The following CACNB2 variants were observed in gnomAD, a reference collection of about 807,000 sequenced individuals.
The protein encoded by CACNB2 is calcium voltage-gated channel auxiliary subunit beta 2.
In CACNB2, 42 loss-of-function variants were observed where a neutral mutation model predicts 73.3. That is an observed-to-expected ratio of 0.57 (90% CI 0.45 to 0.74). The LOEUF (loss-of-function observed/expected upper bound fraction) is 0.74. CACNB2 is among the 30% of genes least tolerant of loss of function. The pLI, the probability that CACNB2 is intolerant of heterozygous loss-of-function variation, is 0.00. For synonymous variants in CACNB2, 348 were observed against 310.3 expected (o/e 1.12, Z -1.28); for missense variants, 940 against 853.0 (o/e 1.10, Z -1.27).
At chr10:18,279,087 A>G (rs937789026) in intron 2 of CACNB2, among the ~76,000 whole-genome samples, 1 of 152,192 alleles carries the variant, frequency 6.6e-6, no homozygotes, top group African/African-American at 2.4e-5. Flanking sequence ...TTCTTCCTCT[A>G]TACATTCCTT....
At chr10:18,475,700 T>G (rs2048406545) in intron 3 of CACNB2, among the ~76,000 whole-genome samples, 1 of 152,206 alleles carries the variant, frequency 6.6e-6, no homozygotes, top group Non-Finnish European at 1.5e-5. Flanking sequence ...AAAGATCCTC[T>G]GAAACTTCGT....
intron 2 of CACNB2, among the ~76,000 whole-genome samples, chr10:18,397,687 C>G (rs2043783312): frequency 7.1e-6 from 1 of 141,644 alleles, no homozygotes; most frequent in Admixed American, 7.4e-5. Flanking sequence ...TGCACTCCAG[C>G]CTGGGCAGCA....
At chr10:18,413,128 A>G (rs1398236059) in intron 3 of CACNB2, among the ~76,000 whole-genome samples, 1 of 152,004 alleles carries the variant, frequency 6.6e-6, no homozygotes, top group Non-Finnish European at 1.5e-5. Flanking sequence ...ATGCCATCAC[A>G]CCCAGGTAAT....
intron 3 of CACNB2, among the ~76,000 whole-genome samples, chr10:18,465,683 T>C (rs2047839833): frequency 2.7e-5 from 3 of 109,844 alleles, no homozygotes; most frequent in African/African-American, 9.5e-5. Context: ...CAACTTCTTC[T>C]TTTTTTTTTT....
At chr10:18,308,162 T>C (rs951174138) in intron 2 of CACNB2, among the ~76,000 whole-genome samples, 12 of 151,752 alleles carry the variant, frequency 7.9e-5, no homozygotes, top group African/African-American at 2.9e-4. Flanking sequence ...CCAGGCTAAT[T>C]TTTGTATTTT....
intron 2 of CACNB2, among the ~76,000 whole-genome samples, chr10:18,315,311 G>A (rs952128206): frequency 1.7e-4 from 26 of 150,458 alleles, no homozygotes; most frequent in African/African-American, 5.9e-4. Context: ...TCCAGCCTGG[G>A]CAACAGAGCG....
intron 2 of CACNB2, among the ~76,000 whole-genome samples, chr10:18,244,624 G>A (rs1588828249): frequency 6.6e-6 from 1 of 152,210 alleles, no homozygotes; most frequent in Admixed American, 6.5e-5. Context: ...TATGTAGGAA[G>A]ACTTGAGAGT....
intron 3 of CACNB2, among the ~76,000 whole-genome samples, chr10:18,460,088 C>T (rs772934811): frequency 1.3e-5 from 2 of 152,156 alleles, no homozygotes; most frequent in Admixed American, 6.5e-5. Flanking sequence ...ATGTATATGT[C>T]CATACATATA....
intron 2 of CACNB2, among the ~76,000 whole-genome samples, chr10:18,356,071 C>T (rs1192246441): frequency 6.6e-6 from 1 of 152,184 alleles, no homozygotes; most frequent in Non-Finnish European, 1.5e-5. Flanking sequence ...GGCTGCAGGC[C>T]CCTGGAGGTC....
chr10:18,366,985 C>G (rs2042380886), intron 2 of CACNB2, among the ~76,000 whole-genome samples: 1 of 152,162 alleles, frequency 6.6e-6, no homozygotes, highest in Non-Finnish European at 1.5e-5. Flanking sequence ...TCATAATGCA[C>G]TTGAACTTCC....
chr10:18,397,387 C>T (rs2043766655), intron 2 of CACNB2, among the ~76,000 whole-genome samples: 1 of 151,332 alleles, frequency 6.6e-6, no homozygotes, highest in South Asian at 2.1e-4. Context: ...ATCACGTGAA[C>T]CTAGGAGACA....
chr10:18,224,008 T>C (rs1469828040), intron 2 of CACNB2, among the ~76,000 whole-genome samples: 16 of 151,340 alleles, frequency 1.1e-4, no homozygotes, highest in Middle Eastern at 3.4e-3. Context: ...TTTTTTGTCC[T>C]GGGAAAAGTG....
chr10:18,421,034 G>A (rs2045290852), intron 3 of CACNB2, among the ~76,000 whole-genome samples: 1 of 151,992 alleles, frequency 6.6e-6, no homozygotes, highest in Non-Finnish European at 1.5e-5. Flanking sequence ...AGAAGGAAAT[G>A]TATTTTTTAG....
At chr10:18,418,220 G>T (rs10764476) in intron 3 of CACNB2, among the ~76,000 whole-genome samples, 2 of 152,044 alleles carry the variant, frequency 1.3e-5, no homozygotes, top group Non-Finnish European at 2.9e-5. Flanking sequence ...GACTACAGGC[G>T]CACGCCACTA....
In CACNB2 at chr10:18,261,431, C is replaced by T. The variant is rs2037537663; in HGVS notation, c.213+110456C>T. On this transcript the variant is annotated intron_variant, in intron 2 of 13. Transcript: ENST00000324631. ...TATTCCCTGTGCTGAACCAACCAGA[C>T]AGTCGATCATTTCGTACCATGAGTT... 6.5e-6 allele frequency: 9 copies of T among 1,394,670 alleles called. No homozygotes were observed. The Admixed American group carries it at 1.4e-4, about 21-fold the overall frequency. 86.4% of individuals were successfully genotyped at this position (1,394,670 alleles called of 1,614,324 possible).
intron 3 of CACNB2, among the ~76,000 whole-genome samples, chr10:18,496,921 A>G (rs1297929611): frequency 2.0e-5 from 3 of 151,828 alleles, no homozygotes; most frequent in African/African-American, 2.4e-5. Context: ...TAAGAAATAC[A>G]TAGAAGAGGC....
intron 2 of CACNB2, among the ~76,000 whole-genome samples, chr10:18,358,898 G>C (rs2042038729): frequency 6.6e-6 from 1 of 152,120 alleles, no homozygotes; most frequent in African/African-American, 2.4e-5. Flanking sequence ...TTTTGTTGTT[G>C]CTGCTGTTCT....
intron 2 of CACNB2, among the ~76,000 whole-genome samples, chr10:18,230,773 A>G (rs2036194875): frequency 6.6e-6 from 1 of 152,122 alleles, no homozygotes. Flanking sequence ...CTTTAATGTA[A>G]ATGATAAATG....
intron 2 of CACNB2, among the ~76,000 whole-genome samples, chr10:18,230,843 CT>C (rs5783590): frequency 0.53 from 77,860 of 146,568 alleles, 22,798 homozygotes; most frequent in Non-Finnish European, 0.67. Flanking sequence ...TTTTTTGTAG[CT>C]TTTTTTTTTT....
Sources: gnomAD v4.1 joint callset for allele counts (sites outside exome capture counted in the v4.1 genomes callset) on GRCh38, gnomAD v4.1.1 for gene constraint, MANE v1.5 for transcripts, NCBI Gene and HGNC (gene_info 2026-07-23, HGNC 2026-07-21) for gene names.